CEP192: variants seen among roughly 807,000 people sequenced by gnomAD.
CEP192 encodes the protein centrosomal protein 192.
CEP192 carries 151 observed loss-of-function variants against 271.8 expected under a neutral mutation model. That is an observed-to-expected ratio of 0.56 (90% confidence interval 0.49 to 0.64). The LOEUF is 0.64. Ranked by LOEUF, CEP192 falls within the 30% of genes least tolerant of loss-of-function variation. The pLI is 0.00. For synonymous variants in CEP192, 995 were observed against 1,076.5 expected (o/e 0.92, Z 1.48); for missense variants, 2,910 against 3,020.5 (o/e 0.96, Z 0.86).
intron 31 of CEP192, 39 bp from the exon 32 acceptor site, chr18:13,087,492 A>G (rs1227237932): frequency 2.7e-6 from 3 of 1,105,070 alleles, no homozygotes; most frequent in East Asian, 4.8e-5. Context: ...ACTTAAAAAT[A>G]TTTAATATTT....
chr18:13,085,920 T>C (rs997885090), intron 30 of CEP192, among the ~76,000 whole-genome samples: 4 of 152,154 alleles, frequency 2.6e-5, no homozygotes, highest in Admixed American at 1.3e-4. Context: ...GTTTTTTTTT[T>C]CTAATTCTGT....
intron 37 of CEP192, among the ~76,000 whole-genome samples, chr18:13,100,059 G>A (rs2039633050): frequency 1.3e-5 from 2 of 152,172 alleles, no homozygotes; most frequent in African/African-American, 2.4e-5. Flanking sequence ...CTTGGGGAAT[G>A]GGTGTGGAGA....
chr18:13,047,774 A>G (rs568955637), intron 15 of CEP192, among the ~76,000 whole-genome samples: 1 of 152,282 alleles, frequency 6.6e-6, no homozygotes, highest in South Asian at 2.1e-4. Context: ...CATGGTTCCT[A>G]TTTATGTCTT....
chr18:13,038,323 A>G, intron 12 of CEP192, 47 bp from the exon 13 acceptor site: 1 of 1,448,390 alleles, frequency 6.9e-7, no homozygotes. Flanking sequence ...AACAACAGAA[A>G]AGTGACTTGC....
At position 13,055,794 on chromosome 18, in the gene CEP192, C is replaced by T. The variant is rs749578022; in HGVS notation, c.3204C>T (p.Ser1068=). 2.4e-5 allele frequency: 37 copies of T among 1,560,012 alleles called. No homozygotes were observed. The highest frequency in any genetic ancestry group is 5.5e-5 in the African/African-American group (4 of 72,614). ...ALEDRKSDIT[S]ELSTTIIQGS... ...GTTGCACTCAGAGTGATATCACCAG[C>T]GAGTTGAGTACCACAATTATTCAAG... is the stretch of plus-strand genomic sequence containing the variant. The change falls in exon 19 of 45, where the codon AGC becomes AGT. Residue 1068 remains serine, a synonymous_variant. Coordinates refer to ENST00000506447, the MANE Select transcript of CEP192 (RefSeq NM_032142.4).
At chr18:13,024,418 G>T in intron 9 of CEP192, 1 of 424,344 alleles carries the variant, frequency 2.4e-6, no homozygotes, top group Non-Finnish European at 4.7e-6. Flanking sequence ...CTTGTTTTTT[G>T]ATTCTCCTCT....
At chr18:13,030,389 T>A in intron 10 of CEP192, 76 bp from the exon 11 acceptor site, 6 of 1,322,928 alleles carry the variant, frequency 4.5e-6, no homozygotes, top group South Asian at 1.6e-5. Flanking sequence ...CATCTGAATT[T>A]AAAAAAAATT....
intron 21 of CEP192, among the ~76,000 whole-genome samples, chr18:13,061,246 C>T (rs1365734838): frequency 6.6e-6 from 1 of 151,898 alleles, no homozygotes; most frequent in Non-Finnish European, 1.5e-5. Context: ...TTGCTTGAAC[C>T]TGAGAGGCGG....
chr18:13,116,271 C>A, intron 42 of CEP192, 106 bp from the exon 43 acceptor site: 1 of 1,063,378 alleles, frequency 9.4e-7, no homozygotes, highest in Non-Finnish European at 1.4e-6. Flanking sequence ...AATAAATCAC[C>A]AGGAAAACAT....
chr18:13,064,767 A>G (rs2037601145), intron 21 of CEP192, among the ~76,000 whole-genome samples: 1 of 151,938 alleles, frequency 6.6e-6, no homozygotes, highest in Non-Finnish European at 1.5e-5. Flanking sequence ...AGGTAATGTG[A>G]TTCCTCCAGT....
chr18:13,075,225 A>G (rs1186728036), intron 30 of CEP192, among the ~76,000 whole-genome samples: 1 of 152,172 alleles, frequency 6.6e-6, no homozygotes, highest in African/African-American at 2.4e-5. Flanking sequence ...AGGACACAGC[A>G]TTTCTTCCCT....
In CEP192 at chr18:13,116,319, A is replaced by G. The variant is rs190410333; in HGVS notation, c.7290-58A>G. The G allele has an allele frequency of 7.6e-4, 1,167 of 1,533,154 alleles. 7 individuals carry two copies. Among genetic ancestry groups the G allele is most frequent in the East Asian group, 7.3e-3 (323 of 44,088 alleles). The allele number at this position is 1,533,154 out of a possible 1,614,324, so 95.0% of individuals were successfully genotyped here. Reference sequence around the variant, plus strand: ...TACTACATAATTTTAATATATAAAAACAGTTTAAGTTACTGTGGATTTCAG... The same window carrying G: ...TACTACATAATTTTAATATATAAAAGCAGTTTAAGTTACTGTGGATTTCAG... On this transcript the variant is annotated intron_variant, in intron 42 of 44. Transcript: ENST00000506447.
intron 3 of CEP192, among the ~76,000 whole-genome samples, chr18:13,006,229 T>A (rs1191140487): frequency 6.6e-6 from 1 of 152,128 alleles, no homozygotes; most frequent in Non-Finnish European, 1.5e-5. Flanking sequence ...GCTCATTAAA[T>A]CATTTGGCAA....
intron 11 of CEP192, among the ~76,000 whole-genome samples, chr18:13,034,510 T>C (rs1417673518): frequency 6.6e-6 from 1 of 152,068 alleles, no homozygotes; most frequent in Non-Finnish European, 1.5e-5. Flanking sequence ...AACAGTTCCT[T>C]AAGAGAGCCT....
intron 4 of CEP192, among the ~76,000 whole-genome samples, 198 bp from the exon 5 acceptor site, chr18:13,012,775 G>A (rs1319194862): frequency 1.3e-5 from 2 of 151,964 alleles, no homozygotes; most frequent in Non-Finnish European, 2.9e-5. Flanking sequence ...CAAGTTCTTT[G>A]GTACAATTTT....
Position 13,055,762 on chromosome 18 carries a change from A to G in CEP192, c.3190-18A>G. The G allele has an allele frequency of 6.6e-7, 1 of 1,507,016 alleles. No homozygotes were observed. The highest frequency in any genetic ancestry group is 1.3e-5 in the South Asian group (1 of 74,248). 93.4% of individuals were successfully genotyped at this position (1,507,016 alleles called of 1,614,324 possible). ...AGTTTATCTGTGGATTATTAAAAAC[A>G]AATTTTGTTGCACTCAGAGTGATAT... is the stretch of plus-strand genomic sequence containing the variant. On this transcript the variant is annotated intron_variant, in intron 18 of 44. Transcript: ENST00000506447.
chr18:13,068,962 G>A lies in CEP192; in HGVS notation c.4933G>A (p.Ala1645Thr), dbSNP rs1376185750. Residue 1645 changes from alanine (A) to threonine (T), a missense_variant, in exon 25 of 45, where the codon GCT becomes ACT. Ala to Thr is a moderately conservative substitution (Grantham distance 58, BLOSUM62 0). Transcript: ENST00000506447. ...SVSLRARAGI[A>T]RIHAPRDLQT... ...GAGTCTCCGAGCAAGAGCAGGAATAGCTAGGATCCATGCTCCCAGGGACTT... is the reference window on the plus strand; with the variant it reads ...GAGTCTCCGAGCAAGAGCAGGAATAACTAGGATCCATGCTCCCAGGGACTT... 1 of 1,614,076 alleles carries A rather than the reference G, an allele frequency of 6.2e-7. No homozygotes were observed. The highest frequency in any genetic ancestry group is 8.5e-7 in the Non-Finnish European group (1 of 1,180,032).
intron 9 of CEP192, among the ~76,000 whole-genome samples, chr18:13,022,849 T>G (rs1189365872): frequency 6.6e-6 from 1 of 152,266 alleles, no homozygotes; most frequent in African/African-American, 2.4e-5. Context: ...TTTGGTTTTC[T>G]TTTATTTCTT....
At chr18:13,023,223 TA>T (rs2035092450) in intron 9 of CEP192, among the ~76,000 whole-genome samples, 2 of 152,170 alleles carry the variant, frequency 1.3e-5, no homozygotes, top group Non-Finnish European at 2.9e-5. Context: ...CCTCCCAATC[TA>T]TATACACTTT....
Sources: allele counts gnomAD v4.1 joint callset (sites outside exome capture counted in the v4.1 genomes callset), GRCh38; gene constraint gnomAD v4.1.1; transcripts MANE v1.5; gene names NCBI Gene and HGNC (gene_info 2026-07-23, HGNC 2026-07-21).